Variants in PPP4R2 observed in about 807,000 individuals in gnomAD.
PPP4R2 encodes the protein protein phosphatase 4 regulatory subunit 2.
A neutral mutation model predicts 47.2 loss-of-function variants in PPP4R2; 13 were observed. The observed-to-expected ratio is 0.28, with a 90% confidence interval of 0.18 to 0.44. The LOEUF (loss-of-function observed/expected upper bound fraction) is 0.44. PPP4R2 is among the 20% of genes least tolerant of loss of function. PPP4R2 has a pLI of 1.00. For synonymous variants in PPP4R2, 151 were observed against 163.3 expected (o/e 0.92, Z 0.57); for missense variants, 421 against 491.2 (o/e 0.86, Z 1.35).
intron 2 of PPP4R2, among the ~76,000 whole-genome samples, chr3:73,006,623 C>G (rs1411621471): frequency 6.6e-6 from 1 of 152,144 alleles, no homozygotes; most frequent in Non-Finnish European, 1.5e-5. Context: ...GTCTTCATTT[C>G]TCTTGACTCT....
intron 2 of PPP4R2, among the ~76,000 whole-genome samples, chr3:73,039,505 A>G (rs1349227957): frequency 4.6e-5 from 7 of 152,228 alleles, no homozygotes; most frequent in Non-Finnish European, 7.3e-5. Flanking sequence ...CACATAATTT[A>G]CCTTTTCCAT....
Position 73,068,815 on chromosome 3 carries a change from G to GA in PPP4R2, c.*3100dup, listed in dbSNP as rs903483191. 12 of 152,052 alleles carry GA rather than the reference G, an allele frequency of 7.9e-5. No individual in the cohort carries two copies. The highest frequency in any genetic ancestry group is 8.8e-5 in the Non-Finnish European group (6 of 67,986). The allele number at this position is 152,052 out of a possible 1,614,324, so 9.4% of individuals were successfully genotyped here. ...TAAAGCTGCTACAATGTTTGATTAT[G>GA]AAAAAAATGTAACATGGTAAGGATG... On this transcript the variant is annotated 3_prime_UTR_variant, in exon 9 of 9. Coordinates refer to ENST00000356692, the MANE Select transcript of PPP4R2 (RefSeq NM_174907.4).
intron 2 of PPP4R2, among the ~76,000 whole-genome samples, chr3:73,015,310 G>T (rs1162783100): frequency 2.0e-5 from 3 of 151,866 alleles, no homozygotes; most frequent in Non-Finnish European, 4.4e-5. Context: ...CTCCTGAGTA[G>T]CTGGGATTAC....
At chr3:73,008,366 A>G (rs902551750) in intron 2 of PPP4R2, among the ~76,000 whole-genome samples, 3 of 152,210 alleles carry the variant, frequency 2.0e-5, no homozygotes, top group African/African-American at 4.8e-5. Flanking sequence ...TCATCACATC[A>G]TGTAAACCTG....
intron 2 of PPP4R2, among the ~76,000 whole-genome samples, chr3:73,033,097 AT>A (rs1216487580): frequency 6.6e-6 from 1 of 152,166 alleles, no homozygotes; most frequent in African/African-American, 2.4e-5. Flanking sequence ...TAGATACCAT[AT>A]CATGCTCTTT....
At chr3:73,028,857 G>A (rs1702117059) in intron 2 of PPP4R2, among the ~76,000 whole-genome samples, 1 of 152,072 alleles carries the variant, frequency 6.6e-6, no homozygotes, top group Non-Finnish European at 1.5e-5. Flanking sequence ...AGGAGAGGAG[G>A]AGGTAAAGGG....
At chr3:73,032,216 G>T (rs1702179085) in intron 2 of PPP4R2, among the ~76,000 whole-genome samples, 1 of 151,940 alleles carries the variant, frequency 6.6e-6, no homozygotes, top group Non-Finnish European at 1.5e-5. Context: ...TTTTTCTCCT[G>T]AGAGACACCC....
chr3:73,041,647 A>AT (rs1334028360), intron 2 of PPP4R2, among the ~76,000 whole-genome samples: 6 of 152,226 alleles, frequency 3.9e-5, no homozygotes, highest in Non-Finnish European at 8.8e-5. Flanking sequence ...GGAGTAGCTA[A>AT]TAGTAGTAGG....
chr3:73,049,892 C>A (rs1702573797), intron 3 of PPP4R2, among the ~76,000 whole-genome samples: 1 of 151,930 alleles, frequency 6.6e-6, no homozygotes, highest in South Asian at 2.1e-4. Context: ...CCTGAGCATT[C>A]TTCTTTTACA....
At chr3:73,064,769 A>C (rs1559571790) in intron 7 of PPP4R2, 83 bp from the exon 8 acceptor site, 2 of 1,213,182 alleles carry the variant, frequency 1.6e-6, no homozygotes, top group Non-Finnish European at 2.3e-6. Context: ...ATACAATTTA[A>C]AACATTATTT....
rs1000530089 is a variant in PPP4R2 at position 73,068,821 on chromosome 3, A to T, written c.*3099A>T. ...TGCTACAATGTTTGATTATGAAAAAAATGTAACATGGTAAGGATGAAAATG... is the reference window on the plus strand; with the variant it reads ...TGCTACAATGTTTGATTATGAAAAATATGTAACATGGTAAGGATGAAAATG... On this transcript the variant is annotated 3_prime_UTR_variant, in exon 9 of 9. Transcript: ENST00000356692. 7.2e-5 allele frequency: 11 copies of T among 152,226 alleles called. No individual in the cohort carries two copies. The highest frequency in any genetic ancestry group is 1.6e-4 in the Non-Finnish European group (11 of 68,050). 9.4% of individuals were successfully genotyped at this position (152,226 alleles called of 1,614,324 possible).
At chr3:73,059,162 C>A in intron 4 of PPP4R2, 32 bp downstream of exon 4, 2 of 1,114,934 alleles carry the variant, frequency 1.8e-6, no homozygotes, top group Non-Finnish European at 2.6e-6. Context: ...TTATATTATG[C>A]TGTGGTGTAA....
Position 72,998,090 on chromosome 3 carries a change from G to A in PPP4R2, c.48G>A (p.Arg16=). ...LQEALKDFEK[R]GKKEVCPVLD... is the part of the protein sequence containing the mutation. ...TCCTTCATCTAGATTTTGAGAAGAGGGGGAAAAAGGAAGTTTGTCCTGTCC... is the reference window on the plus strand; with the variant it reads ...TCCTTCATCTAGATTTTGAGAAGAGAGGGAAAAAGGAAGTTTGTCCTGTCC... The change falls in exon 2 of 9, where the codon AGG becomes AGA. Residue 16 remains arginine, a synonymous_variant. Transcript: ENST00000356692. The A allele has an allele frequency of 6.2e-7, 1 of 1,602,904 alleles. No individual in the cohort carries two copies. Among genetic ancestry groups the A allele is most frequent in the South Asian group, 1.1e-5 (1 of 87,732 alleles).
intron 2 of PPP4R2, among the ~76,000 whole-genome samples, chr3:73,013,051 T>G (rs1327862917): frequency 6.6e-6 from 1 of 152,116 alleles, no homozygotes; most frequent in Non-Finnish European, 1.5e-5. Flanking sequence ...CCCTGCCTGC[T>G]TGTTCATAGT....
intron 7 of PPP4R2, 128 bp downstream of exon 7, chr3:73,064,274 G>T: frequency 1.3e-6 from 1 of 752,288 alleles, no homozygotes. Context: ...GTTTATAGGA[G>T]CACTGGCTTC....
At chr3:73,044,097 T>C (rs949967902) in intron 2 of PPP4R2, among the ~76,000 whole-genome samples, 2 of 152,244 alleles carry the variant, frequency 1.3e-5, no homozygotes, top group African/African-American at 4.8e-5. Flanking sequence ...CGTGTGTGTG[T>C]GTGTGTTTAT....
rs1216309862 is a variant in PPP4R2 at position 73,069,076 on chromosome 3, CTTACTA to C, written c.*3357_*3362del. The C allele has an allele frequency of 6.6e-6, 1 of 152,140 alleles. No individual in the cohort carries two copies. The highest frequency in any genetic ancestry group is 1.5e-5 in the Non-Finnish European group (1 of 68,036). 9.4% of individuals were successfully genotyped at this position (152,140 alleles called of 1,614,324 possible). A position where few individuals can be genotyped will look rare whatever the true frequency, so the allele number is the denominator to read the frequency against. ...CTAGTATGTATTGGTTAGACTACATCTTACTATTTCACATTTTAAAAATCAGTACAC... is the reference window on the plus strand; with the variant it reads ...CTAGTATGTATTGGTTAGACTACATCTTTCACATTTTAAAAATCAGTACAC... On this transcript the variant is annotated 3_prime_UTR_variant, in exon 9 of 9. Transcript: ENST00000356692.
chr3:73,051,756 G>T (rs1702617162), intron 3 of PPP4R2, among the ~76,000 whole-genome samples: 2 of 152,110 alleles, frequency 1.3e-5, no homozygotes, highest in Admixed American at 6.6e-5. Flanking sequence ...CTCCCCAGTA[G>T]CTGGGACTAC....
chr3:73,056,708 C>T (rs1311960651), intron 3 of PPP4R2, among the ~76,000 whole-genome samples: 2 of 152,044 alleles, frequency 1.3e-5, no homozygotes, highest in African/African-American at 4.8e-5. Flanking sequence ...CACATACCCC[C>T]CTCCCAAAGC....
Sources: allele counts gnomAD v4.1 joint callset (sites outside exome capture counted in the v4.1 genomes callset), GRCh38; gene constraint gnomAD v4.1.1; transcripts MANE v1.5; gene names NCBI Gene and HGNC (gene_info 2026-07-23, HGNC 2026-07-21).